Variants in LRBA observed in about 807,000 individuals in gnomAD.
The protein encoded by LRBA is LPS responsive beige-like anchor protein, also known as lipopolysaccharide-responsive and beige-like anchor protein.
LRBA carries 176 observed loss-of-function variants against 330.0 expected under a neutral mutation model. That is an observed-to-expected ratio of 0.53 (90% CI 0.47 to 0.60). LRBA has a LOEUF of 0.60. Among genes scored for constraint, LRBA ranks in the 20% least tolerant of loss-of-function variants. LRBA has a pLI of 0.00. For missense variants in LRBA, 3,259 were observed against 3,444.8 expected, an observed-to-expected ratio of 0.95 and a Z score of 1.35; for synonymous variants, 1,230 against 1,193.0, an observed-to-expected ratio of 1.03 and a Z score of -0.64.
chr4:150,507,462 A>C (rs1476306489), intron 40 of LRBA, among the ~76,000 whole-genome samples: 3 of 151,398 alleles, frequency 2.0e-5, no homozygotes, highest in East Asian at 3.9e-4. Context: ...AACCTGAGAA[A>C]AACAAGAAAT....
At chr4:150,811,000 G>A (rs1743641328) in intron 31 of LRBA, among the ~76,000 whole-genome samples, 1 of 152,008 alleles carries the variant, frequency 6.6e-6, no homozygotes, top group African/African-American at 2.4e-5. Flanking sequence ...AAATTAGAGG[G>A]CAAGACCAGG....
chr4:150,279,182 T>C (rs1481196201), intron 55 of LRBA, among the ~76,000 whole-genome samples: 1 of 152,208 alleles, frequency 6.6e-6, no homozygotes, highest in Non-Finnish European at 1.5e-5. Flanking sequence ...TATGACTGCT[T>C]TCACAGGTAG....
chr4:150,576,270 C>T (rs1387254997), intron 40 of LRBA, among the ~76,000 whole-genome samples: 1 of 150,938 alleles, frequency 6.6e-6, no homozygotes, highest in Non-Finnish European at 1.5e-5. Flanking sequence ...AACTGCTTAA[C>T]TATGTATGTA....
intron 37 of LRBA, among the ~76,000 whole-genome samples, chr4:150,665,015 TC>T (rs1781448522): frequency 6.6e-6 from 1 of 152,188 alleles, no homozygotes; most frequent in Non-Finnish European, 1.5e-5. Context: ...GGCTATGACT[TC>T]CTGAATCTTG....
intron 51 of LRBA, chr4:150,315,043 T>A (rs1731539081): frequency 6.4e-6 from 1 of 156,094 alleles, no homozygotes; most frequent in African/African-American, 2.4e-5. Flanking sequence ...AATTGCACAT[T>A]AATCCCCTCA....
At position 150,755,557 on chromosome 4, in the gene LRBA, G is replaced by A. The variant is rs183072006; in HGVS notation, c.5645+6226C>T. ...TTTAACAAATTACAAGATTCAAGATGAGAATTTAAATCTTAAAATTTTTAC... is the reference window on the plus strand; with the variant it reads ...TTTAACAAATTACAAGATTCAAGATAAGAATTTAAATCTTAAAATTTTTAC... On this transcript the variant is annotated intron_variant, in intron 35 of 56. Transcript: ENST00000651943. 1.7e-3 allele frequency among the ~76,000 whole-genome samples: 258 copies of A among 152,278 alleles called. 2 individuals carry two copies. The highest frequency in any genetic ancestry group is 4.9e-4 in the Non-Finnish European group (33 of 68,022).
chr4:150,287,757 G>A (rs1748315775), intron 53 of LRBA, among the ~76,000 whole-genome samples: 1 of 152,162 alleles, frequency 6.6e-6, no homozygotes, highest in Admixed American at 6.5e-5. Context: ...CATACAAAGA[G>A]GCAAGGGGGT....
At chr4:150,900,280 C>T in intron 13 of LRBA, 63 bp from the exon 14 acceptor site, 1 of 1,227,428 alleles carries the variant, frequency 8.1e-7, no homozygotes, top group Non-Finnish European at 1.2e-6. Context: ...TCCAGTAACA[C>T]TTCCAGGCTG....
chr4:150,334,340 A>C (rs1051381322), intron 48 of LRBA, among the ~76,000 whole-genome samples: 1 of 152,158 alleles, frequency 6.6e-6, no homozygotes, highest in Non-Finnish European at 1.5e-5. Flanking sequence ...TTGCAAAATA[A>C]TCTATTAATA....
rs149614182 is a variant in LRBA at position 150,382,245 on chromosome 4, C to T, written c.7195-32086G>A. On this transcript the variant is annotated intron_variant, in intron 47 of 56. Coordinates refer to ENST00000651943, the MANE Select transcript of LRBA (RefSeq NM_001364905.1). ...AAATGAATATTTTAGTAAAAATTGGCTCTAGCCTATCATTAGCAGGAGAGT... is the reference window on the plus strand; with the variant it reads ...AAATGAATATTTTAGTAAAAATTGGTTCTAGCCTATCATTAGCAGGAGAGT... 4.1e-3 allele frequency among the ~76,000 whole-genome samples: 629 copies of T among 152,226 alleles called. 4 individuals are homozygous for T. The highest frequency in any genetic ancestry group is 0.014 in the African/African-American group (565 of 41,524).
At chr4:150,850,095 A>AT (rs1408280528) in intron 24 of LRBA, among the ~76,000 whole-genome samples, 2,125 of 142,886 alleles carry the variant, frequency 0.015, 43 homozygotes, top group African/African-American at 0.042. Flanking sequence ...TGTTATAACA[A>AT]TTTTTTTTTT....
intron 47 of LRBA, among the ~76,000 whole-genome samples, chr4:150,410,083 C>G (rs1746750410): frequency 6.6e-6 from 1 of 152,040 alleles, no homozygotes. Context: ...TCTGGCATTT[C>G]AATTCCAAAA....
chr4:150,488,128 T>G (rs1758111295), intron 41 of LRBA, among the ~76,000 whole-genome samples: 1 of 151,546 alleles, frequency 6.6e-6, no homozygotes, highest in Non-Finnish European at 1.5e-5. Context: ...GACATGATAA[T>G]AATAATGATA....
chr4:150,767,549 G>A (rs1332291115), intron 34 of LRBA, among the ~76,000 whole-genome samples: 1 of 151,968 alleles, frequency 6.6e-6, no homozygotes, highest in Non-Finnish European at 1.5e-5. Context: ...CACGAGGTCA[G>A]GAGATCGAGA....
At chr4:150,940,736 T>A (rs1248092977) in intron 2 of LRBA, among the ~76,000 whole-genome samples, 3 of 152,296 alleles carry the variant, frequency 2.0e-5, no homozygotes, top group Non-Finnish European at 4.4e-5. Context: ...TACTTTTCAA[T>A]CTGTCTGTTG....
At chr4:150,787,778 C>A (rs368660355) in intron 34 of LRBA, among the ~76,000 whole-genome samples, 3 of 152,272 alleles carry the variant, frequency 2.0e-5, no homozygotes, top group East Asian at 3.9e-4. Flanking sequence ...CATTAACCAT[C>A]CCCACCTCTC....
chr4:150,670,895 A>ACATACATACATACATAC (rs1407641950), intron 37 of LRBA, among the ~76,000 whole-genome samples: 1 of 152,126 alleles, frequency 6.6e-6, no homozygotes, highest in African/African-American at 2.4e-5. Flanking sequence ...GGATACATAT[A>ACATACATACATACATAC]AAGGAATTTT....
chr4:150,405,439 C>T (rs2151936144), intron 47 of LRBA, among the ~76,000 whole-genome samples: 1 of 152,242 alleles, frequency 6.6e-6, no homozygotes, highest in Non-Finnish European at 1.5e-5. Flanking sequence ...TTCTATAAAA[C>T]TTTTACTGTA....
chr4:150,633,881 G>A (rs576167947), intron 37 of LRBA, among the ~76,000 whole-genome samples: 11 of 152,292 alleles, frequency 7.2e-5, no homozygotes, highest in South Asian at 4.1e-4. Context: ...TTGGGAGGCC[G>A]AGGTGGGTGG....
Sources: gnomAD v4.1 joint callset for allele counts (sites outside exome capture counted in the v4.1 genomes callset) on GRCh38, gnomAD v4.1.1 for gene constraint, MANE v1.5 for transcripts, NCBI Gene and HGNC (gene_info 2026-07-23, HGNC 2026-07-21) for gene names.